Variants in ITGB5 observed in about 807,000 individuals in gnomAD.
ITGB5 encodes the protein integrin subunit beta 5, also known as integrin beta-5.
In ITGB5, 38 loss-of-function variants were observed where a neutral mutation model predicts 84.8. The ratio of observed to expected loss-of-function variants is 0.45; its 90% CI spans 0.35 to 0.59. The LOEUF is 0.59. ITGB5 is among the 20% of genes least tolerant of loss of function. ITGB5 has a pLI of 0.01. For synonymous variants in ITGB5, 393 were observed against 414.4 expected (o/e 0.95, Z 0.63); for missense variants, 905 against 1,034.5 (o/e 0.87, Z 1.72).
At chr3:124,847,515 G>A (rs1356049192) in intron 4 of ITGB5, among the ~76,000 whole-genome samples, 2 of 152,144 alleles carry the variant, frequency 1.3e-5, no homozygotes, top group Admixed American at 6.5e-5. Context: ...GTCCTGTTCC[G>A]TCTAATAGCA....
intron 8 of ITGB5, among the ~76,000 whole-genome samples, chr3:124,815,530 C>A (rs2064575545): frequency 6.6e-6 from 1 of 152,240 alleles, no homozygotes; most frequent in Non-Finnish European, 1.5e-5. Flanking sequence ...GCCTCCCTGC[C>A]TGTGAGAGTG....
At chr3:124,864,746 G>GA (rs1329304819) in intron 2 of ITGB5, among the ~76,000 whole-genome samples, 29 of 146,666 alleles carry the variant, frequency 2.0e-4, no homozygotes, top group African/African-American at 3.0e-4. Flanking sequence ...CATGAAAGTT[G>GA]AAAAAAAAAA....
At chr3:124,897,555 C>A (rs1049764161) in intron 1 of ITGB5, among the ~76,000 whole-genome samples, 4 of 152,226 alleles carry the variant, frequency 2.6e-5, no homozygotes, top group Admixed American at 2.0e-4. Context: ...GGCGTAGTGG[C>A]TCATGCCTGT....
chr3:124,835,616 C>T (rs1033409931), intron 5 of ITGB5, among the ~76,000 whole-genome samples: 9 of 152,240 alleles, frequency 5.9e-5, no homozygotes, highest in African/African-American at 1.9e-4. Flanking sequence ...ACGCAGACAG[C>T]TGGGAAGCAG....
chr3:124,784,322 C>A (rs1445686580), intron 10 of ITGB5, among the ~76,000 whole-genome samples: 1 of 151,996 alleles, frequency 6.6e-6, no homozygotes, highest in Admixed American at 6.6e-5. Context: ...CTGGGCAAAA[C>A]AGTGAGACCC....
chr3:124,810,606 TAAG>T (rs373945687), intron 8 of ITGB5, among the ~76,000 whole-genome samples: 5,397 of 120,908 alleles, frequency 0.045, 185 homozygotes, highest in African/African-American at 0.13. Flanking sequence ...TTAAAAAAAT[TAAG>T]AATAATAATA....
intron 3 of ITGB5, among the ~76,000 whole-genome samples, chr3:124,856,757 A>G (rs2065226932): frequency 6.6e-6 from 1 of 152,218 alleles, no homozygotes. Context: ...TTAAGGGTCT[A>G]TAACAACTCC....
intron 2 of ITGB5, among the ~76,000 whole-genome samples, chr3:124,871,225 C>T (rs1934029789): frequency 6.7e-6 from 1 of 149,096 alleles, no homozygotes; most frequent in Non-Finnish European, 1.5e-5. Flanking sequence ...GACAGAGTCT[C>T]GCCCTGTTGC....
At chr3:124,847,425 A>G (rs904440543) in intron 4 of ITGB5, among the ~76,000 whole-genome samples, 5 of 152,240 alleles carry the variant, frequency 3.3e-5, no homozygotes, top group African/African-American at 4.8e-5. Flanking sequence ...CAAACGTCCC[A>G]TGGCAGAGAC....
chr3:124,830,720 A>G (rs1402387142), intron 5 of ITGB5, among the ~76,000 whole-genome samples: 1 of 152,178 alleles, frequency 6.6e-6, no homozygotes. Flanking sequence ...ACGGTGGCTC[A>G]TGCCTGTAAT....
chr3:124,880,529 C>G (rs1048160144), intron 1 of ITGB5, among the ~76,000 whole-genome samples: 3 of 152,162 alleles, frequency 2.0e-5, no homozygotes, highest in Non-Finnish European at 4.4e-5. Context: ...GTGGGAGGAG[C>G]AGTTGAGCCC....
chr3:124,896,283 G>A (rs1935099263), intron 1 of ITGB5, among the ~76,000 whole-genome samples: 1 of 152,168 alleles, frequency 6.6e-6, no homozygotes, highest in African/African-American at 2.4e-5. Flanking sequence ...GCATTTGATA[G>A]TTTCCTCTTC....
intron 10 of ITGB5, among the ~76,000 whole-genome samples, chr3:124,786,909 T>A (rs1286227375): frequency 6.6e-6 from 1 of 152,162 alleles, no homozygotes; most frequent in Admixed American, 6.5e-5. Flanking sequence ...TCCTTAAGAA[T>A]AACCATTTCA....
At chr3:124,781,326 C>G (rs2064002273) in intron 10 of ITGB5, 2 of 152,296 alleles carry the variant, frequency 1.3e-5, no homozygotes, top group East Asian at 3.9e-4. Flanking sequence ...TGCTGACAAG[C>G]AGGTTGGGAT....
intron 1 of ITGB5, among the ~76,000 whole-genome samples, chr3:124,886,315 G>C (rs1479810672): frequency 6.6e-6 from 1 of 151,800 alleles, no homozygotes; most frequent in African/African-American, 2.4e-5. Flanking sequence ...TCGGGTTTGC[G>C]GTGGCCTAGG....
At position 124,886,988 on chromosome 3, in the gene ITGB5, G is replaced by C. The variant is rs960934546; in HGVS notation, c.13C>G (p.Pro5Ala). The C allele has an allele frequency of 4.2e-6, 5 of 1,194,030 alleles. No individual in the cohort carries two copies. Among genetic ancestry groups the C allele is most frequent in the Non-Finnish European group, 5.2e-6 (5 of 964,052 alleles). The allele number at this position is 1,194,030 out of a possible 1,614,324, so 74.0% of individuals were successfully genotyped here. MPRAPAPLYACLLGL... is the reference protein window; with the variant it reads MPRAAAPLYACLLGL... The stretch of plus-strand genomic sequence containing the variant: ...AGGAGGCAGGCGTACAGCGGCGCCG[G>C]GGCCCGCGGCATGGTGGGGCGCCTC... The change falls in exon 1 of 15, where the codon CCG (proline) becomes GCG (alanine). Residue 5 changes from proline to alanine, a missense_variant. Pro to Ala is a conservative substitution (Grantham distance 27, BLOSUM62 -1). Around this residue, in one of 3 missense-constraint regions of ITGB5, gnomAD observed 656 missense variants for 734.7 expected, o/e 0.89. Transcript: ENST00000296181.
chr3:124,819,502 C>T (rs767696831), intron 7 of ITGB5, among the ~76,000 whole-genome samples: 5 of 151,862 alleles, frequency 3.3e-5, no homozygotes, highest in Non-Finnish European at 7.4e-5. Flanking sequence ...AATGGGAATT[C>T]ATGCTATTTT....
intron 3 of ITGB5, among the ~76,000 whole-genome samples, chr3:124,853,234 G>C (rs1344768330): frequency 6.6e-6 from 1 of 152,148 alleles, no homozygotes; most frequent in East Asian, 1.9e-4. Flanking sequence ...TATTATAACA[G>C]GACTACAACT....
chr3:124,855,522 A>G (rs1271463984), intron 3 of ITGB5, among the ~76,000 whole-genome samples: 1 of 152,224 alleles, frequency 6.6e-6, no homozygotes, highest in Non-Finnish European at 1.5e-5. Context: ...CAAAATTTTA[A>G]GAGGCATCAT....
Sources: allele counts gnomAD v4.1 joint callset (sites outside exome capture counted in the v4.1 genomes callset), GRCh38; gene constraint gnomAD v4.1.1; regional missense constraint gnomAD v4.1.1; transcripts MANE v1.5; gene names NCBI Gene and HGNC (gene_info 2026-07-23, HGNC 2026-07-21).